Variants in ETS1 observed in about 807,000 individuals in gnomAD.
ETS1 encodes the protein protein C-ets-1.
In ETS1, 15 loss-of-function variants were observed where a neutral mutation model predicts 58.6. The observed-to-expected ratio is 0.26, with a 90% confidence interval of 0.17 to 0.39. The LOEUF (loss-of-function observed/expected upper bound fraction) is 0.39, where lower values mean the gene tolerates loss of function less well. Ranked by LOEUF, ETS1 falls within the 10% of genes least tolerant of loss-of-function variation. The probability of loss-of-function intolerance (pLI) is 1.00; values close to 1 mark genes in which losing one functional copy is unlikely to be tolerated. For missense variants in ETS1, 417 were observed against 610.5 expected (o/e 0.68, Z 3.34); for synonymous variants, 214 against 218.2 (o/e 0.98, Z 0.17).
At chr11:128,504,819 C>T (rs553454552) in intron 3 of ETS1, among the ~76,000 whole-genome samples, 3 of 152,264 alleles carry the variant, frequency 2.0e-5, no homozygotes, top group African/African-American at 7.2e-5. Context: ...TACTCCTCCC[C>T]AAGTTATTAA....
intron 3 of ETS1, among the ~76,000 whole-genome samples, chr11:128,502,079 G>A (rs530564907): frequency 2.0e-5 from 3 of 152,326 alleles, no homozygotes; most frequent in African/African-American, 7.2e-5. Flanking sequence ...TGGGCAGTTA[G>A]AGAACAATGG....
At chr11:128,570,076 T>A (rs1278650863) in intron 2 of ETS1, among the ~76,000 whole-genome samples, 1 of 152,172 alleles carries the variant, frequency 6.6e-6, no homozygotes, top group East Asian at 1.9e-4. Context: ...TAGAGTTATT[T>A]GGTTTGGGAT....
At chr11:128,472,729 C>G (rs139341707) in intron 8 of ETS1, among the ~76,000 whole-genome samples, 74 of 152,290 alleles carry the variant, frequency 4.9e-4, no homozygotes, top group African/African-American at 1.3e-3. Flanking sequence ...CAAAGATCCC[C>G]TGGGCCCAGC....
At chr11:128,557,844 A>T (rs752473630) in intron 2 of ETS1, among the ~76,000 whole-genome samples, 4 of 152,220 alleles carry the variant, frequency 2.6e-5, no homozygotes, top group Non-Finnish European at 5.9e-5. Context: ...TCCCAGAAAG[A>T]TTCTCCAACT....
intron 1 of ETS1, among the ~76,000 whole-genome samples, chr11:128,577,130 T>C (rs1324246275): frequency 2.6e-5 from 4 of 152,212 alleles, no homozygotes; most frequent in Non-Finnish European, 5.9e-5. Flanking sequence ...CTCATTGTTT[T>C]TTTAAATCAG....
chr11:128,583,886 A>T (rs1283554550), intron 1 of ETS1, among the ~76,000 whole-genome samples: 1 of 152,190 alleles, frequency 6.6e-6, no homozygotes, highest in Non-Finnish European at 1.5e-5. Flanking sequence ...CCTCTTTTGA[A>T]AAAAAGGCAG....
chr11:128,564,414 G>A (rs1864456010), intron 2 of ETS1, among the ~76,000 whole-genome samples: 1 of 152,184 alleles, frequency 6.6e-6, no homozygotes, highest in South Asian at 2.1e-4. Context: ...AAGCACAGAG[G>A]GTTGTAGAGA....
rs371000443 is a variant in ETS1 at position 128,576,211 on chromosome 11, C to A, written c.-14-3067G>T. The stretch of plus-strand genomic sequence containing the variant: ...ATAACTCTTGGACAGAAATGGATTG[C>A]TGCTTTATTATTTTTTTGGAGAAAG... On this transcript the variant is annotated intron_variant, in intron 1 of 9. Transcript: ENST00000392668. Among the ~76,000 whole-genome samples, 8 of 152,282 alleles carry A rather than the reference C, an allele frequency of 5.3e-5. No homozygotes were observed. In the South Asian group the frequency reaches 1.7e-3, roughly 32 times the overall value.
At chr11:128,485,116 C>G in intron 6 of ETS1, 45 bp from the exon 7 acceptor site, 1 of 1,572,608 alleles carries the variant, frequency 6.4e-7, no homozygotes, top group East Asian at 2.3e-5. Flanking sequence ...AGATTTGTAC[C>G]TAAAATAAGC....
chr11:128,533,562 A>T (rs1314628048), intron 3 of ETS1, among the ~76,000 whole-genome samples: 2 of 152,188 alleles, frequency 1.3e-5, no homozygotes, highest in African/African-American at 2.4e-5. Flanking sequence ...CAATCCCTTG[A>T]ACACACTCTA....
At chr11:128,512,567 C>T (rs4373933) in intron 3 of ETS1, among the ~76,000 whole-genome samples, 61,309 of 152,054 alleles carry the variant, frequency 0.4, 12,845 homozygotes, top group East Asian at 0.65. Flanking sequence ...TTGTAGCTTC[C>T]GGGGTGGCTG....
intron 3 of ETS1, among the ~76,000 whole-genome samples, chr11:128,497,404 T>C (rs1239123302): frequency 6.6e-6 from 1 of 152,232 alleles, no homozygotes; most frequent in Non-Finnish European, 1.5e-5. Flanking sequence ...TTTCAGGTCC[T>C]GCAGCCAGGC....
chr11:128,577,629 G>A (rs1224105961), intron 1 of ETS1, among the ~76,000 whole-genome samples: 1 of 152,306 alleles, frequency 6.6e-6, no homozygotes, highest in Admixed American at 6.5e-5. Flanking sequence ...TGAGGAGAAA[G>A]ACTAAGGCGA....
intron 3 of ETS1, among the ~76,000 whole-genome samples, chr11:128,520,245 A>G (rs1454627680): frequency 6.6e-6 from 1 of 152,194 alleles, no homozygotes; most frequent in African/African-American, 2.4e-5. Flanking sequence ...ATATTAAATT[A>G]CCAAAAAAAT....
intron 3 of ETS1, among the ~76,000 whole-genome samples, chr11:128,490,961 C>A (rs56951662): frequency 1.0e-3 from 158 of 152,116 alleles, no homozygotes; most frequent in African/African-American, 3.5e-3. Context: ...CTCAAGTGAT[C>A]CACCTGCCTC....
At chr11:128,500,701 T>C (rs1054534375) in intron 3 of ETS1, among the ~76,000 whole-genome samples, 65 of 152,276 alleles carry the variant, frequency 4.3e-4, no homozygotes, top group African/African-American at 1.4e-3. Context: ...AAAATAAGAA[T>C]ACGCAAGTCC....
chr11:128,503,066 G>A (rs1863132626), intron 3 of ETS1, among the ~76,000 whole-genome samples: 1 of 152,236 alleles, frequency 6.6e-6, no homozygotes, highest in Non-Finnish European at 1.5e-5. Flanking sequence ...CCCCTGAGCA[G>A]TAACTTCAGA....
At chr11:128,462,597 T>G in intron 9 of ETS1, 21 bp from the exon 10 acceptor site, 2 of 1,606,642 alleles carry the variant, frequency 1.2e-6, no homozygotes, top group Non-Finnish European at 1.7e-6. Context: ...AAAAGAAAAA[T>G]AAAGGAGGAG....
chr11:128,496,739 A>C (rs1862953155), intron 3 of ETS1, among the ~76,000 whole-genome samples: 2 of 152,214 alleles, frequency 1.3e-5, no homozygotes, highest in Non-Finnish European at 2.9e-5. Context: ...GTAGAGTAGA[A>C]GGGAGTGGTA....
Sources: gnomAD v4.1 joint callset for allele counts (sites outside exome capture counted in the v4.1 genomes callset) on GRCh38, gnomAD v4.1.1 for gene constraint, MANE v1.5 for transcripts, NCBI Gene and HGNC (gene_info 2026-07-23, HGNC 2026-07-21) for gene names.